The following CCDC38 variants were observed in gnomAD, a reference collection of about 807,000 sequenced individuals.
The protein encoded by CCDC38 is coiled-coil domain containing 38.
CCDC38 carries 69 observed loss-of-function variants against 72.8 expected under a neutral mutation model. The observed-to-expected ratio is 0.95, with a 90% CI of 0.78 to 1.16. The LOEUF (loss-of-function observed/expected upper bound fraction) is 1.16. Ranked by LOEUF, CCDC38 falls within the 50% of genes most tolerant of loss-of-function variation. The probability of loss-of-function intolerance (pLI) is 0.00; values close to 1 mark genes in which losing one functional copy is unlikely to be tolerated. For missense variants in CCDC38, 626 were observed against 638.9 expected (o/e 0.98, Z 0.22); for synonymous variants, 201 against 213.2 (o/e 0.94, Z 0.50).
intron 9 of CCDC38, chr12:95,889,297 C>G (rs1006283815): frequency 6.6e-6 from 1 of 152,264 alleles, no homozygotes; most frequent in African/African-American, 2.4e-5. Flanking sequence ...GGCGTGAGCC[C>G]CCGCACCCGG....
intron 1 of CCDC38, among the ~76,000 whole-genome samples, chr12:95,938,177 A>G (rs2080413785): frequency 6.6e-6 from 1 of 152,254 alleles, no homozygotes. Context: ...TTGACATTAT[A>G]CTTTTTCAAA....
chr12:95,868,615 T>C (rs887638011), intron 15 of CCDC38, among the ~76,000 whole-genome samples: 3 of 152,232 alleles, frequency 2.0e-5, no homozygotes, highest in Non-Finnish European at 2.9e-5. Flanking sequence ...GCATTCGTTA[T>C]GTGTTAGCTA....
chr12:95,935,590 C>T, intron 2 of CCDC38: 1 of 245,418 alleles, frequency 4.1e-6, no homozygotes, highest in Non-Finnish European at 8.6e-6. Flanking sequence ...CTGTCTCTTG[C>T]AGCCAAACTT....
chr12:95,870,201 A>G (rs1256706572), intron 14 of CCDC38, among the ~76,000 whole-genome samples: 1 of 152,168 alleles, frequency 6.6e-6, no homozygotes, highest in African/African-American at 2.4e-5. Context: ...AGAGTACACA[A>G]ATAAATGCAT....
At chr12:95,935,238 G>A (rs2080380594) in intron 2 of CCDC38, 1 of 152,164 alleles carries the variant, frequency 6.6e-6, no homozygotes, top group African/African-American at 2.4e-5. Flanking sequence ...TACTACTAGT[G>A]AACCCCCAAT....
chr12:95,933,936 G>A (rs1206416842), intron 2 of CCDC38: 1 of 152,098 alleles, frequency 6.6e-6, no homozygotes, highest in Non-Finnish European at 1.5e-5. Flanking sequence ...CCAATAGTTT[G>A]GGACACTGAA....
chr12:95,903,683 T>C (rs977095812), intron 5 of CCDC38: 1 of 423,874 alleles, frequency 2.4e-6, no homozygotes, highest in Non-Finnish European at 4.2e-6. Flanking sequence ...TTAATGTGTA[T>C]TACATTGATT....
intron 8 of CCDC38, among the ~76,000 whole-genome samples, chr12:95,894,106 C>A (rs928316079): frequency 6.6e-6 from 1 of 152,232 alleles, no homozygotes; most frequent in Non-Finnish European, 1.5e-5. Context: ...GTAGTCCCAG[C>A]TACTCAGGAG....
rs193289222 is a variant in CCDC38 at position 95,933,925 on chromosome 12, C to A, written c.37+2548G>T. On this transcript the variant is annotated intron_variant, in intron 2 of 15. Transcript: ENST00000344280. ...GGGCATGGTGGCTCACTCCTGTAATCCCAATAGTTTGGGACACTGAAGTGG... is the reference window on the plus strand; with the variant it reads ...GGGCATGGTGGCTCACTCCTGTAATACCAATAGTTTGGGACACTGAAGTGG... 204 of 152,222 alleles carry A rather than the reference C, an allele frequency of 1.3e-3. 2 individuals carry two copies. Among genetic ancestry groups the A allele is most frequent in the African/African-American group, 4.5e-3 (187 of 41,524 alleles). 9.4% of individuals were successfully genotyped at this position (152,222 alleles called of 1,614,324 possible).
chr12:95,933,664 C>T (rs2080361247), intron 2 of CCDC38: 1 of 152,182 alleles, frequency 6.6e-6, no homozygotes, highest in Admixed American at 6.5e-5. Context: ...TCAGATTCAG[C>T]AATTCTATTC....
chr12:95,882,483 T>C (rs1302674876), intron 10 of CCDC38, among the ~76,000 whole-genome samples: 1 of 152,104 alleles, frequency 6.6e-6, no homozygotes, highest in Non-Finnish European at 1.5e-5. Context: ...CATGTTGAGT[T>C]TGAGGGGACA....
intron 7 of CCDC38, 86 bp downstream of exon 7, chr12:95,898,299 A>T: frequency 8.0e-7 from 1 of 1,247,284 alleles, no homozygotes; most frequent in Non-Finnish European, 1.2e-6. Context: ...GATAAGGATG[A>T]TCAGGATTAT....
At chr12:95,878,786 A>G (rs2079665852) in intron 12 of CCDC38, among the ~76,000 whole-genome samples, 2 of 152,016 alleles carry the variant, frequency 1.3e-5, no homozygotes, top group Admixed American at 1.3e-4. Flanking sequence ...ACCTGCACCC[A>G]CCCTGTCCCA....
At chr12:95,892,337 C>T (rs1194647250) in intron 8 of CCDC38, among the ~76,000 whole-genome samples, 6 of 126,038 alleles carry the variant, frequency 4.8e-5, no homozygotes, top group East Asian at 2.5e-4. Flanking sequence ...CAGGCTGGAG[C>T]GCAGTGGCAT....
intron 3 of CCDC38, among the ~76,000 whole-genome samples, chr12:95,917,897 G>A (rs1423640031): frequency 1.3e-5 from 2 of 150,410 alleles, no homozygotes; most frequent in South Asian, 2.1e-4. Context: ...AATTCTAAGT[G>A]TTGGTTCTGT....
intron 5 of CCDC38, among the ~76,000 whole-genome samples, chr12:95,904,140 T>C (rs2079977644): frequency 6.6e-6 from 1 of 152,190 alleles, no homozygotes; most frequent in Non-Finnish European, 1.5e-5. Flanking sequence ...TTCATCTAAG[T>C]TGTCAAATTT....
chr12:95,912,820 G>C (rs1166569408), intron 4 of CCDC38, among the ~76,000 whole-genome samples: 3 of 152,180 alleles, frequency 2.0e-5, no homozygotes, highest in Non-Finnish European at 4.4e-5. Context: ...AACACTTTGG[G>C]AGGCTGAGGT....
chr12:95,867,292 A>G (rs2079530360), intron 15 of CCDC38, 103 bp from the exon 16 acceptor site: 4 of 686,502 alleles, frequency 5.8e-6, no homozygotes, highest in Admixed American at 5.4e-5. Flanking sequence ...ACAAGGAATA[A>G]TATGGTTTGT....
At chr12:95,917,555 T>C (rs911226479) in intron 3 of CCDC38, among the ~76,000 whole-genome samples, 1 of 152,144 alleles carries the variant, frequency 6.6e-6, no homozygotes, top group Non-Finnish European at 1.5e-5. Flanking sequence ...CACAATTTAG[T>C]CTTGCTCAAA....
Sources: gnomAD v4.1 joint callset for allele counts (sites outside exome capture counted in the v4.1 genomes callset) on GRCh38, gnomAD v4.1.1 for gene constraint, MANE v1.5 for transcripts, NCBI Gene and HGNC (gene_info 2026-07-23, HGNC 2026-07-21) for gene names.